Variants in CCNI observed in about 807,000 individuals in gnomAD.
CCNI encodes the protein cyclin-I.
Under a neutral mutation model 34.1 loss-of-function variants are expected in CCNI, and 14 were observed. The ratio of observed to expected loss-of-function variants is 0.41; its 90% CI spans 0.27 to 0.64. The LOEUF (loss-of-function observed/expected upper bound fraction) is 0.64. Ranked by LOEUF, CCNI falls within the 30% of genes least tolerant of loss-of-function variation. The probability of loss-of-function intolerance (pLI) is 0.31; values close to 1 mark genes in which losing one functional copy is unlikely to be tolerated. For missense variants in CCNI, 385 were observed against 440.5 expected (o/e 0.87, Z 1.13); for synonymous variants, 154 against 158.4 (o/e 0.97, Z 0.21).
intron 6 of CCNI, among the ~76,000 whole-genome samples, chr4:77,051,706 C>T (rs1342811659): frequency 2.0e-5 from 3 of 152,184 alleles, no homozygotes; most frequent in African/African-American, 4.8e-5. Context: ...TATACTGGAA[C>T]TACCAAAACT....
chr4:77,067,182 A>C (rs1164419012), intron 1 of CCNI, among the ~76,000 whole-genome samples: 1 of 152,102 alleles, frequency 6.6e-6, no homozygotes, highest in Admixed American at 6.6e-5. Context: ...CAGTGAGCTG[A>C]GATCACACCA....
intron 1 of CCNI, among the ~76,000 whole-genome samples, chr4:77,066,999 C>A (rs931348747): frequency 3.9e-5 from 6 of 152,000 alleles, no homozygotes; most frequent in African/African-American, 1.4e-4. Flanking sequence ...TTTGGGAGGC[C>A]GAGGCGGGTG....
rs953083126 is a variant in CCNI at position 77,075,578 on chromosome 4, C to T, written c.-150G>A. On this transcript the variant is annotated 5_prime_UTR_variant, in exon 1 of 7. Transcript: ENST00000237654. ...CGTTACCACCTCATTCTCATAGGCG[C>T]GCGGAGGCGGTGCGCGCGGGACGAC... 3 of 988,264 alleles carry T rather than the reference C, an allele frequency of 3.0e-6. No homozygotes were observed. The highest frequency in any genetic ancestry group is 3.6e-6 in the Non-Finnish European group (3 of 830,520). The allele number at this position is 988,264 out of a possible 1,614,324, so 61.2% of individuals were successfully genotyped here. A position where few individuals can be genotyped will look rare whatever the true frequency, so the allele number is the denominator to read the frequency against.
chr4:77,048,296 C>A lies in CCNI; in HGVS notation c.1057G>T (p.Val353Leu). ...EDNVSENVGS[V>L]CGTDLSRQEG... The stretch of plus-strand genomic sequence containing the variant: ...TGTCTTGATAAATCAGTGCCACACA[C>A]AGAACCCACATTTTCTGAGACATTA... The change falls in exon 7 of 7, where the codon GTG becomes TTG. Residue 353 changes from valine (V) to leucine (L), a missense_variant. By Grantham distance (32) the Val-to-Leu change is conservative. Around this residue, in one of 2 missense-constraint regions of CCNI, gnomAD observed 250 missense variants for 248.7 expected, o/e 1.01. Coordinates refer to ENST00000237654, the MANE Select transcript of CCNI (RefSeq NM_006835.3). 1 of 1,614,132 alleles carries A rather than the reference C, an allele frequency of 6.2e-7. No individual in the cohort carries two copies. The highest frequency in any genetic ancestry group is 8.5e-7 in the Non-Finnish European group (1 of 1,180,006).
rs1361879485 is a variant in CCNI, at chr4:77,048,533, T to C, written c.820A>G (p.Lys274Glu). 1 of 1,613,846 alleles carries C rather than the reference T, an allele frequency of 6.2e-7. No homozygotes were observed. The highest frequency in any genetic ancestry group is 8.5e-7 in the Non-Finnish European group (1 of 1,179,908). The change falls in exon 7 of 7, where the codon AAA (lysine) becomes GAA (glutamate). Residue 274 changes from lysine (K) to glutamate (E), a missense_variant. By Grantham distance (56) the Lys-to-Glu change is moderately conservative. This residue lies in a region of CCNI where 250 missense variants were observed against 248.7 expected (regional missense o/e 1.01). Transcript: ENST00000237654. The stretch of plus-strand genomic sequence containing the variant: ...GAGGGATGTAATCTGAACACTCCTT[T>C]GTCACAGGTCACCAGGGTGTGCTTG... ...PLKHTLVTCD[K>E]GVFRLHPSSV... is the part of the protein sequence containing the mutation.
intron 1 of CCNI, 21 bp downstream of exon 1, chr4:77,075,446 CCCCCG>C: frequency 1.4e-6 from 1 of 728,558 alleles, no homozygotes; most frequent in Non-Finnish European, 1.7e-6. Flanking sequence ...ACGCGTCGAG[CCCCCG>C]CCCCCGCCCC....
intron 6 of CCNI, among the ~76,000 whole-genome samples, chr4:77,052,880 T>TA (rs1462034115): frequency 6.6e-6 from 1 of 152,160 alleles, no homozygotes; most frequent in Non-Finnish European, 1.5e-5. Flanking sequence ...GGGTTGGTGT[T>TA]AGAGAACTGC....
At chr4:77,056,344 A>T in intron 3 of CCNI, 21 bp from the exon 4 acceptor site, 1 of 1,569,704 alleles carries the variant, frequency 6.4e-7, no homozygotes, top group Non-Finnish European at 8.8e-7. Context: ...GAAGAGGGAA[A>T]AAGCAACTTT....
intron 3 of CCNI, chr4:77,056,586 CTT>C (rs35437385): frequency 0.032 from 5,085 of 160,512 alleles, 18 homozygotes; most frequent in South Asian, 0.069. Context: ...CTAGAGCTAA[CTT>C]TTTTTTTTTT....
intron 3 of CCNI, among the ~76,000 whole-genome samples, chr4:77,057,338 T>TG (rs1189606512): frequency 3.3e-5 from 5 of 152,252 alleles, no homozygotes; most frequent in African/African-American, 1.2e-4. Context: ...GAAACAAAGT[T>TG]GGAGAAATTT....
At chr4:77,050,179 A>G (rs1261127909) in intron 6 of CCNI, among the ~76,000 whole-genome samples, 1 of 152,114 alleles carries the variant, frequency 6.6e-6, no homozygotes, top group East Asian at 1.9e-4. Context: ...ACCTGTTGAA[A>G]TTGTATTGCG....
intron 2 of CCNI, 71 bp downstream of exon 2, chr4:77,066,178 A>G: frequency 4.9e-6 from 6 of 1,233,696 alleles, no homozygotes; most frequent in East Asian, 2.3e-5. Flanking sequence ...TAGTGTCAAG[A>G]TATTATTATG....
chr4:77,051,309 C>T (rs1727809595), intron 6 of CCNI, among the ~76,000 whole-genome samples: 1 of 152,124 alleles, frequency 6.6e-6, no homozygotes, highest in Non-Finnish European at 1.5e-5. Flanking sequence ...GGTAAAGGTA[C>T]CACAAATATT....
intron 1 of CCNI, chr4:77,074,687 A>G (rs1334552246): frequency 6.6e-6 from 1 of 152,230 alleles, no homozygotes; most frequent in East Asian, 1.9e-4. Context: ...ATTTAACGTC[A>G]TTACTGTAAT....
Position 77,055,309 on chromosome 4 carries a change from ATGT to A in CCNI, c.528_530del (p.Gln176del). 6.2e-7 allele frequency: 1 copy of A among 1,614,236 alleles called. No homozygotes were observed. Among genetic ancestry groups the A allele is most frequent in the African/African-American group, 1.3e-5 (1 of 75,074 alleles). ...GTAGTTGCTTGGTAAGGACTGCCAA[ATGT>A]TGAGATGGGCTCAATTTGGGCAAAC... On this transcript the variant is annotated inframe_deletion, in exon 6 of 7. Transcript: ENST00000237654.
intron 1 of CCNI, among the ~76,000 whole-genome samples, chr4:77,068,340 C>T (rs1478662992): frequency 6.6e-6 from 1 of 151,998 alleles, no homozygotes; most frequent in Non-Finnish European, 1.5e-5. Context: ...GGATAGGGAT[C>T]GCAATATGAT....
rs1727500123 is a variant in CCNI at position 77,047,239 on chromosome 4, G to C, written c.*980C>G. The C allele has an allele frequency of 6.6e-6, 1 of 152,204 alleles. No homozygotes were observed. The highest frequency in any genetic ancestry group is 2.1e-4 in the South Asian group (1 of 4,830). 9.4% of individuals were successfully genotyped at this position (152,204 alleles called of 1,614,324 possible). On this transcript the variant is annotated 3_prime_UTR_variant, in exon 7 of 7. Coordinates refer to ENST00000237654, the MANE Select transcript of CCNI (RefSeq NM_006835.3). Reference sequence around the variant, plus strand: ...CAATACCTTTTTCAGACTGCAAAGGGAGCTCAGGATCCAGAAGTCATTAAA... The same window carrying C: ...CAATACCTTTTTCAGACTGCAAAGGCAGCTCAGGATCCAGAAGTCATTAAA...
chr4:77,050,293 T>C lies in CCNI; in HGVS notation c.691-1631A>G, dbSNP rs564132795. On this transcript the variant is annotated intron_variant, in intron 6 of 6. Transcript: ENST00000237654. ...TTCCAGTTTTGAGTATTCTGGACAT[T>C]TCTGTACCAAGTCTTACTTATCCTC... Among the ~76,000 whole-genome samples the C allele has an allele frequency of 4.6e-5, 7 of 152,288 alleles. No individual in the cohort carries two copies. The South Asian group carries it at 1.2e-3, about 27-fold the overall frequency.
In CCNI at chr4:77,048,193, ACACT is replaced by A. The variant is rs1560765520; in HGVS notation, c.*22_*25del. On this transcript the variant is annotated 3_prime_UTR_variant, in exon 7 of 7. Transcript: ENST00000237654. ...TTCCCAAAGTAGTCTACCTTAGTTT[ACACT>A]CAAAGGTAGCACTTGTTGAAACTAC... 1.3e-6 allele frequency: 2 copies of A among 1,569,432 alleles called. No individual in the cohort carries two copies. Among genetic ancestry groups the A allele is most frequent in the African/African-American group, 2.7e-5 (2 of 73,854 alleles).
Sources: allele counts gnomAD v4.1 joint callset (sites outside exome capture counted in the v4.1 genomes callset), GRCh38; gene constraint gnomAD v4.1.1; regional missense constraint gnomAD v4.1.1; transcripts MANE v1.5; gene names NCBI Gene and HGNC (gene_info 2026-07-23, HGNC 2026-07-21).